The following PCDHA3 variants were observed in gnomAD, a reference collection of about 807,000 sequenced individuals.
The protein encoded by PCDHA3 is protocadherin alpha-3.
Under a neutral mutation model 62.2 loss-of-function variants are expected in PCDHA3, and 41 were observed. The ratio of observed to expected loss-of-function variants is 0.66; its 90% confidence interval spans 0.51 to 0.86. The LOEUF (loss-of-function observed/expected upper bound fraction) is 0.86. Among genes scored for constraint, PCDHA3 ranks in the 40% least tolerant of loss-of-function variants. PCDHA3 has a pLI of 0.00. For synonymous variants in PCDHA3, 640 were observed against 555.4 expected, an observed-to-expected ratio of 1.15 and a Z score of -2.14; for missense variants, 1,304 against 1,241.2, an observed-to-expected ratio of 1.05 and a Z score of -0.76.
At chr5:140,821,254 A>T (rs2150109156) in intron 1 of PCDHA3, among the ~76,000 whole-genome samples, 3 of 152,214 alleles carry the variant, frequency 2.0e-5, no homozygotes, top group Non-Finnish European at 4.4e-5. Context: ...TTTAACTCTT[A>T]AAAGTTATTT....
chr5:140,825,840 C>T (rs1347379452), intron 1 of PCDHA3: 1 of 152,306 alleles, frequency 6.6e-6, no homozygotes, highest in Non-Finnish European at 1.5e-5. Context: ...AATAAATATA[C>T]CATGATACAA....
intron 1 of PCDHA3, among the ~76,000 whole-genome samples, chr5:140,975,067 T>C (rs2096652705): frequency 6.6e-6 from 1 of 152,146 alleles, no homozygotes; most frequent in African/African-American, 2.4e-5. Flanking sequence ...TCGAGCTCAT[T>C]CAGATTGTTG....
chr5:140,955,647 T>G (rs1395732517), intron 1 of PCDHA3, among the ~76,000 whole-genome samples: 1 of 152,116 alleles, frequency 6.6e-6, no homozygotes, highest in Non-Finnish European at 1.5e-5. Context: ...AACAAATTAA[T>G]ACACATATGA....
intron 1 of PCDHA3, chr5:140,842,767 G>A (rs2150343877): frequency 1.9e-6 from 3 of 1,594,562 alleles, no homozygotes; most frequent in Non-Finnish European, 2.6e-6. Context: ...CGCGAGACGC[G>A]GACGCGCAGG....
intron 1 of PCDHA3, chr5:140,868,473 C>T (rs1740794532): frequency 6.6e-6 from 1 of 152,126 alleles, no homozygotes; most frequent in Non-Finnish European, 1.5e-5. Flanking sequence ...TTTTATAAAA[C>T]TTCAATTTTT....
At chr5:140,863,233 C>T (rs2047882202) in intron 1 of PCDHA3, 3 of 1,240,302 alleles carry the variant, frequency 2.4e-6, no homozygotes, top group Non-Finnish European at 3.4e-6. Context: ...GGTCCCATCG[C>T]GGGCTTTGGC....
chr5:141,001,126 C>A (rs2097993222), intron 3 of PCDHA3, among the ~76,000 whole-genome samples: 1 of 151,970 alleles, frequency 6.6e-6, no homozygotes, highest in African/African-American at 2.4e-5. Context: ...AGTCCTTAAA[C>A]AAATGAATCT....
intron 1 of PCDHA3, chr5:140,882,915 A>T: frequency 6.2e-7 from 1 of 1,614,228 alleles, no homozygotes; most frequent in Non-Finnish European, 8.5e-7. Context: ...ACAGCCAGTG[A>T]TGGAGGTAAA....
At chr5:140,904,206 C>T (rs2070944708) in intron 1 of PCDHA3, among the ~76,000 whole-genome samples, 1 of 151,882 alleles carries the variant, frequency 6.6e-6, no homozygotes, top group South Asian at 2.1e-4. Flanking sequence ...CCCCTAAGTC[C>T]CCAAAGTCCA....
chr5:140,849,084 C>T, intron 1 of PCDHA3: 1 of 1,514,880 alleles, frequency 6.6e-7, no homozygotes. Context: ...ACTTGTATTA[C>T]GGAAACTTTT....
At chr5:140,886,664 A>G (rs1404216677) in intron 1 of PCDHA3, among the ~76,000 whole-genome samples, 1 of 151,922 alleles carries the variant, frequency 6.6e-6, no homozygotes, top group East Asian at 1.9e-4. Flanking sequence ...TGTCTCTACT[A>G]AAAATACAAA....
At chr5:140,907,970 A>C (rs1312755290) in intron 1 of PCDHA3, among the ~76,000 whole-genome samples, 3 of 152,158 alleles carry the variant, frequency 2.0e-5, no homozygotes, top group Admixed American at 2.0e-4. Flanking sequence ...CAATTTTCCA[A>C]TCATGCTTCT....
chr5:141,011,190 T>C lies in PCDHA3; in HGVS notation c.*1253T>C, dbSNP rs1321258440. On this transcript the variant is annotated 3_prime_UTR_variant, in exon 4 of 4. Coordinates refer to ENST00000522353, the MANE Select transcript of PCDHA3 (RefSeq NM_018906.3). Reference sequence around the variant, plus strand: ...AAGACCCAAAAATTGAAGAAAAATATTGTTTTCTCATACAGTGAGCAGATT... The same window carrying C: ...AAGACCCAAAAATTGAAGAAAAATACTGTTTTCTCATACAGTGAGCAGATT... The C allele has an allele frequency of 1.3e-5, 2 of 153,748 alleles. No individual in the cohort carries two copies. The highest frequency in any genetic ancestry group is 1.9e-4 in the East Asian group (1 of 5,200). The allele number at this position is 153,748 out of a possible 1,614,324, so 9.5% of individuals were successfully genotyped here. A position where few individuals can be genotyped will look rare whatever the true frequency, so the allele number is the denominator to read the frequency against.
intron 3 of PCDHA3, among the ~76,000 whole-genome samples, chr5:140,992,118 G>C (rs1554252679): frequency 1.3e-5 from 2 of 151,650 alleles, no homozygotes; most frequent in Non-Finnish European, 2.9e-5. Flanking sequence ...ATGTGTCATG[G>C]AAGAACAGTG....
intron 1 of PCDHA3, among the ~76,000 whole-genome samples, chr5:140,899,726 T>A (rs1406076879): frequency 6.6e-6 from 1 of 152,236 alleles, no homozygotes; most frequent in East Asian, 1.9e-4. Flanking sequence ...CCTCTTTTTC[T>A]ATTGATTGGA....
chr5:140,807,501 A>C, intron 1 of PCDHA3: 1 of 1,613,786 alleles, frequency 6.2e-7, no homozygotes, highest in Non-Finnish European at 8.5e-7. Context: ...TGCAGCATCC[A>C]CCTGGAGGTG....
At position 140,839,681 on chromosome 5, in the gene PCDHA3, G is replaced by T. The variant is rs149210485; in HGVS notation, c.2394+36090G>T. On this transcript the variant is annotated intron_variant, in intron 1 of 3. Coordinates refer to ENST00000522353, the MANE Select transcript of PCDHA3 (RefSeq NM_018906.3). Reference sequence around the variant, plus strand: ...GCTACTATTTAGAGTCAACTACAGAGATTTTTTTGGGTAAATAATGTGATG... The same window carrying T: ...GCTACTATTTAGAGTCAACTACAGATATTTTTTTGGGTAAATAATGTGATG... Among the ~76,000 whole-genome samples the T allele has an allele frequency of 4.2e-3, 640 of 152,116 alleles. 7 individuals are homozygous for T. The highest frequency in any genetic ancestry group is 0.033 in the South Asian group (157 of 4,822).
rs782551958 is a variant in PCDHA3 at position 140,801,860 on chromosome 5, G to A, written c.663G>A (p.Glu221=). The change falls in exon 1 of 4, where the codon GAG becomes GAA. Residue 221 remains glutamate, a synonymous_variant. Transcript: ENST00000522353. ...LITAIDGGKP[E]LTGTTQLKIT... is the part of the protein sequence containing the mutation. ...CAGCAATTGATGGTGGGAAACCAGA[G>A]CTCACTGGCACGACTCAACTAAAGA... is the stretch of plus-strand genomic sequence containing the variant. 6.2e-7 allele frequency: 1 copy of A among 1,614,088 alleles called. No homozygotes were observed. Among genetic ancestry groups the A allele is most frequent in the African/African-American group, 1.3e-5 (1 of 75,044 alleles).
intron 1 of PCDHA3, chr5:140,808,490 C>T (rs782787343): frequency 1.9e-6 from 3 of 1,614,172 alleles, no homozygotes; most frequent in South Asian, 2.2e-5. Flanking sequence ...CTCGCCTTCG[C>T]TGTGGGCCAC....
Sources: allele counts gnomAD v4.1 joint callset (sites outside exome capture counted in the v4.1 genomes callset), GRCh38; gene constraint gnomAD v4.1.1; transcripts MANE v1.5; gene names NCBI Gene and HGNC (gene_info 2026-07-23, HGNC 2026-07-21).